The following PCLO variants were observed in gnomAD, a reference collection of about 807,000 sequenced individuals.
PCLO encodes protein piccolo.
Under a neutral mutation model 427.5 loss-of-function variants are expected in PCLO, and 82 were observed. The ratio of observed to expected loss-of-function variants is 0.19; its 90% CI spans 0.16 to 0.23. PCLO has a LOEUF of 0.23. Among genes scored for constraint, PCLO ranks in the 10% least tolerant of loss-of-function variants. The probability of loss-of-function intolerance (pLI) is 1.00; values close to 1 mark genes in which losing one functional copy is unlikely to be tolerated. For missense variants in PCLO, 6,239 were observed against 6,115.9 expected, an observed-to-expected ratio of 1.02 and a Z score of -0.67; for synonymous variants, 2,357 against 2,155.4, an observed-to-expected ratio of 1.09 and a Z score of -2.59.
At chr7:83,105,313 C>T (rs1427730212) in intron 3 of PCLO, among the ~76,000 whole-genome samples, 1 of 152,168 alleles carries the variant, frequency 6.6e-6, no homozygotes, top group East Asian at 1.9e-4. Context: ...GCATTAGCCA[C>T]ATAAATACAC....
At chr7:82,768,491 C>G (rs1365032805) in intron 22 of PCLO, among the ~76,000 whole-genome samples, 1 of 151,188 alleles carries the variant, frequency 6.6e-6, no homozygotes, top group Admixed American at 6.6e-5. Flanking sequence ...GTCTCTTAAA[C>G]TTCGTGAAAA....
intron 20 of PCLO, among the ~76,000 whole-genome samples, chr7:82,817,689 G>T (rs1791705857): frequency 6.6e-6 from 1 of 152,154 alleles, no homozygotes; most frequent in Admixed American, 6.6e-5. Context: ...GTGGTCTGTG[G>T]AAGTAGCATC....
intron 3 of PCLO, among the ~76,000 whole-genome samples, chr7:83,111,031 ACTT>A (rs1358971255): frequency 1.3e-5 from 2 of 152,172 alleles, no homozygotes; most frequent in Non-Finnish European, 2.9e-5. Flanking sequence ...CAAAAAGAGA[ACTT>A]CTCATACTGC....
At chr7:82,927,940 T>G (rs1324587758) in intron 6 of PCLO, among the ~76,000 whole-genome samples, 1 of 152,184 alleles carries the variant, frequency 6.6e-6, no homozygotes, top group Non-Finnish European at 1.5e-5. Context: ...CTGAATTTAC[T>G]GTTCAGCTGT....
chr7:83,042,351 T>C (rs945495732), intron 3 of PCLO, among the ~76,000 whole-genome samples: 2 of 152,182 alleles, frequency 1.3e-5, no homozygotes, highest in Non-Finnish European at 2.9e-5. Context: ...TGCATGTTTC[T>C]TGAAAGCTAT....
intron 3 of PCLO, among the ~76,000 whole-genome samples, chr7:83,078,750 G>A (rs1464650214): frequency 2.6e-5 from 4 of 151,908 alleles, no homozygotes; most frequent in Non-Finnish European, 5.9e-5. Flanking sequence ...CAGGCTTGTC[G>A]GTCGCGAATT....
chr7:82,822,181 A>G, intron 20 of PCLO: 1 of 1,136,654 alleles, frequency 8.8e-7, no homozygotes, highest in Non-Finnish European at 1.1e-6. Context: ...TTAAGCGCAA[A>G]CAAAAAGGAC....
intron 3 of PCLO, among the ~76,000 whole-genome samples, chr7:82,972,977 C>A (rs1225520916): frequency 1.3e-5 from 2 of 152,026 alleles, no homozygotes. Flanking sequence ...CTATTCAACT[C>A]AGATCCACGC....
chr7:83,036,762 A>T (rs974607088), intron 3 of PCLO, among the ~76,000 whole-genome samples: 2 of 152,020 alleles, frequency 1.3e-5, no homozygotes, highest in Admixed American at 1.3e-4. Context: ...AATGTCTGCA[A>T]ATTATTACCC....
chr7:83,010,051 T>C (rs2115983433), intron 3 of PCLO, among the ~76,000 whole-genome samples: 1 of 152,044 alleles, frequency 6.6e-6, no homozygotes, highest in South Asian at 2.1e-4. Flanking sequence ...AACTCCACAT[T>C]ACATTGTGGA....
rs1330750074 is a variant in PCLO at position 83,097,362 on chromosome 7, A to C, written c.3300+36888T>G. Reference sequence around the variant, plus strand: ...ACGATGAAACCCCATCTCCACTACAAATACAAAAAATTAGCCAGGCATGGT... The same window carrying C: ...ACGATGAAACCCCATCTCCACTACACATACAAAAAATTAGCCAGGCATGGT... On this transcript the variant is annotated intron_variant, in intron 3 of 24. Transcript: ENST00000333891. Among the ~76,000 whole-genome samples, 8 of 145,362 alleles carry C rather than the reference A, an allele frequency of 5.5e-5. No individual in the cohort carries two copies. The East Asian group carries it at 1.4e-3, about 26-fold the overall frequency.
At chr7:82,929,175 G>A (rs1794784744) in intron 6 of PCLO, among the ~76,000 whole-genome samples, 1 of 151,870 alleles carries the variant, frequency 6.6e-6, no homozygotes, top group Non-Finnish European at 1.5e-5. Flanking sequence ...TATTTAATGG[G>A]GGATAATAAA....
intron 3 of PCLO, among the ~76,000 whole-genome samples, chr7:83,086,589 G>A (rs1584002864): frequency 6.6e-6 from 1 of 152,188 alleles, no homozygotes; most frequent in East Asian, 1.9e-4. Flanking sequence ...TTAGGAGAAC[G>A]ATTATCATGA....
chr7:82,783,476 G>A (rs1321111515), intron 22 of PCLO, among the ~76,000 whole-genome samples: 2 of 152,044 alleles, frequency 1.3e-5, no homozygotes, highest in African/African-American at 4.8e-5. Flanking sequence ...AAGAAAATTA[G>A]CCGGGCATGG....
At chr7:83,041,422 T>A (rs1357914984) in intron 3 of PCLO, among the ~76,000 whole-genome samples, 1 of 152,176 alleles carries the variant, frequency 6.6e-6, no homozygotes, top group Non-Finnish European at 1.5e-5. Flanking sequence ...TATTTCTTAG[T>A]TCTGTCTAAA....
At chr7:82,760,023 A>G (rs1285952828) in intron 24 of PCLO, among the ~76,000 whole-genome samples, 1 of 151,982 alleles carries the variant, frequency 6.6e-6, no homozygotes, top group African/African-American at 2.4e-5. Flanking sequence ...GTATTGTGAT[A>G]GATGGCGAGA....
intron 13 of PCLO, 63 bp downstream of exon 13, chr7:82,845,208 G>A: frequency 9.3e-7 from 1 of 1,074,260 alleles, no homozygotes; most frequent in Non-Finnish European, 1.4e-6. Context: ...TTTATTTTCT[G>A]TCTCTATGCT....
chr7:82,799,001 C>T (rs1285751989), intron 22 of PCLO, among the ~76,000 whole-genome samples: 1 of 152,134 alleles, frequency 6.6e-6, no homozygotes, highest in African/African-American at 2.4e-5. Context: ...CTCTGATTGG[C>T]TCCTTCTTGG....
intron 3 of PCLO, among the ~76,000 whole-genome samples, chr7:83,012,293 T>C (rs1408900977): frequency 1.3e-5 from 2 of 152,002 alleles, no homozygotes; most frequent in African/African-American, 4.8e-5. Flanking sequence ...TTGGAGGAAA[T>C]AGGAGCCTAG....
Sources: gnomAD v4.1 joint callset for allele counts (sites outside exome capture counted in the v4.1 genomes callset) on GRCh38, gnomAD v4.1.1 for gene constraint, MANE v1.5 for transcripts, NCBI Gene and HGNC (gene_info 2026-07-23, HGNC 2026-07-21) for gene names.